RBM41: variants seen among roughly 807,000 people sequenced by gnomAD.
RBM41 encodes RNA binding motif protein 41.
Under a neutral mutation model 30.8 loss-of-function variants are expected in RBM41, and 14 were observed. That is an observed-to-expected ratio of 0.45 (90% CI 0.30 to 0.71). RBM41 has a LOEUF of 0.71. Ranked by LOEUF, RBM41 falls within the 30% of genes least tolerant of loss-of-function variation. RBM41 has a pLI of 0.08. For synonymous variants in RBM41, 120 were observed against 110.1 expected (o/e 1.09, Z -0.56); for missense variants, 276 against 326.3 (o/e 0.85, Z 1.19).
Position 107,062,500 on chromosome X carries a change from A to T in RBM41, c.*5027T>A, listed in dbSNP as rs1033473607. 9.0e-6 allele frequency among the ~76,000 whole-genome samples: 1 copy of T among 111,529 alleles called. No homozygotes were observed. The highest frequency in any genetic ancestry group is 1.9e-5 in the Non-Finnish European group (1 of 53,086). On this transcript the variant is annotated 3_prime_UTR_variant, in exon 8 of 8. Coordinates refer to ENST00000685964, the MANE Select transcript of RBM41 (RefSeq NM_001324242.2). ...GTCACTTAACTATGTCTGAAATTAG[A>T]GTGTTAATCCTAAGTGAGCAGTATA...
chrX:107,060,146 T>C (rs1935616803), downstream of RBM41, among the ~76,000 whole-genome samples: 1 of 109,649 alleles, frequency 9.1e-6, no homozygotes, highest in Non-Finnish European at 1.9e-5. Context: ...ACAATGACAA[T>C]ATTAGGCTAT....
chrX:107,116,099 A>T, intron 2 of RBM41, 45 bp from the exon 3 acceptor site: 1 of 1,067,029 alleles, frequency 9.4e-7, no homozygotes, highest in Non-Finnish European at 1.2e-6. Flanking sequence ...TGAGGTTACT[A>T]TCATTCACAA....
Position 107,065,403 on chromosome X carries a change from G to T in RBM41, c.*2124C>A, listed in dbSNP as rs149632629. ...TTTAAAAGTTATTTCCTCAGTGGTTGCTCTAGGGCTTACCATACACATCTT... is the reference window on the plus strand; with the variant it reads ...TTTAAAAGTTATTTCCTCAGTGGTTTCTCTAGGGCTTACCATACACATCTT... On this transcript the variant is annotated 3_prime_UTR_variant, in exon 8 of 8. Coordinates refer to ENST00000685964, the MANE Select transcript of RBM41 (RefSeq NM_001324242.2). 0.021 allele frequency: 2,903 copies of T among 135,057 alleles called. 104 individuals are homozygous for T. The highest frequency in any genetic ancestry group is 0.085 in the African/African-American group (2,696 of 31,554). The allele number at this position is 135,057 out of a possible 1,213,427, so 11.1% of individuals were successfully genotyped here.
At chrX:107,103,768 T>C (rs1241452284) in intron 5 of RBM41, among the ~76,000 whole-genome samples, 1 of 111,952 alleles carries the variant, frequency 8.9e-6, no homozygotes, top group Non-Finnish European at 1.9e-5. Context: ...TCCAGTTATA[T>C]GAAGTTCTAG....
chrX:107,117,232 G>T (rs371087546), intron 1 of RBM41, among the ~76,000 whole-genome samples: 1 of 112,176 alleles, frequency 8.9e-6, no homozygotes, highest in Non-Finnish European at 1.9e-5. Context: ...AACAGGGAAA[G>T]AGAGTACAAA....
In RBM41 at chrX:107,088,711, G is replaced by A; in HGVS notation, c.724C>T (p.Leu242=). Residue 242 remains leucine, a synonymous_variant, in exon 6 of 8, where the codon CTG becomes TTG. Coordinates refer to ENST00000685964, the MANE Select transcript of RBM41 (RefSeq NM_001324242.2). The stretch of plus-strand genomic sequence containing the variant: ...TCACCCACTGATGTAGCTGAGACCA[G>A]TGAGTGGGAAGCAAAGGGTTCACCT... ...MRGEPFASHS[L]VSATSVGDSG... 1 of 1,211,738 alleles carries A rather than the reference G, an allele frequency of 8.3e-7. No individual in the cohort carries two copies. Among genetic ancestry groups the A allele is most frequent in the East Asian group, 3.0e-5 (1 of 33,848 alleles).
chrX:107,112,780 C>T, intron 5 of RBM41: 1 of 306,150 alleles, frequency 3.3e-6, no homozygotes, highest in Non-Finnish European at 6.3e-6. Flanking sequence ...GCCAGTCTCA[C>T]AAGGTTACAT....
intron 6 of RBM41, among the ~76,000 whole-genome samples, chrX:107,080,584 C>CACAAA: frequency 1.2e-5 from 1 of 85,181 alleles, no homozygotes; most frequent in Admixed American, 1.5e-4. Context: ...TGCCTCAAAA[C>CACAAA]ACGAAACAAA....
intron 5 of RBM41, among the ~76,000 whole-genome samples, chrX:107,104,368 C>CA (rs1923753249): frequency 9.0e-6 from 1 of 110,746 alleles, no homozygotes; most frequent in African/African-American, 3.3e-5. Context: ...TGTGATAAGG[C>CA]AAAATATTAA....
intron 5 of RBM41, among the ~76,000 whole-genome samples, chrX:107,102,497 G>A: frequency 9.0e-6 from 1 of 111,610 alleles, no homozygotes; most frequent in East Asian, 2.8e-4. Flanking sequence ...AACCACCTCA[G>A]CAGAAGCCAG....
At chrX:107,092,480 T>G (rs1040583326) in intron 5 of RBM41, among the ~76,000 whole-genome samples, 1 of 111,509 alleles carries the variant, frequency 9.0e-6, no homozygotes, top group Non-Finnish European at 1.9e-5. Flanking sequence ...TGGTGGCTCA[T>G]GCCTGTAATC....
At chrX:107,090,127 G>C (rs1922388355) in intron 5 of RBM41, among the ~76,000 whole-genome samples, 1 of 111,968 alleles carries the variant, frequency 8.9e-6, no homozygotes, top group African/African-American at 3.3e-5. Flanking sequence ...TGCAATCCCA[G>C]CACTTTGGGA....
chrX:107,076,700 G>A (rs908628926), intron 6 of RBM41, among the ~76,000 whole-genome samples: 1 of 110,960 alleles, frequency 9.0e-6, no homozygotes, highest in Admixed American at 9.6e-5. Context: ...TTGTTAAGAG[G>A]ATAGATCTTG....
At chrX:107,091,377 T>C (rs1306300942) in intron 5 of RBM41, among the ~76,000 whole-genome samples, 2 of 112,278 alleles carry the variant, frequency 1.8e-5, no homozygotes, top group Non-Finnish European at 3.8e-5. Context: ...ATTGGAAATA[T>C]ACAAATGTTT....
chrX:107,067,089 T>C lies in RBM41; in HGVS notation c.*438A>G. On this transcript the variant is annotated 3_prime_UTR_variant, in exon 8 of 8. Coordinates refer to ENST00000685964, the MANE Select transcript of RBM41 (RefSeq NM_001324242.2). ...CTTAGGCCTGGGGGTCCTACTCTTT[T>C]ATTTACTAGGTGGATGAAATATGGC... 1.3e-6 allele frequency: 1 copy of C among 753,166 alleles called. No individual in the cohort carries two copies. The highest frequency in any genetic ancestry group is 6.7e-5 in the South Asian group (1 of 14,830). The allele number at this position is 753,166 out of a possible 1,213,427, so 62.1% of individuals were successfully genotyped here. A position where few individuals can be genotyped will look rare whatever the true frequency, so the allele number is the denominator to read the frequency against.
chrX:107,100,182 G>A (rs1018798958), intron 5 of RBM41, among the ~76,000 whole-genome samples: 1 of 112,082 alleles, frequency 8.9e-6, no homozygotes, highest in Non-Finnish European at 1.9e-5. Context: ...ACATAAATTG[G>A]CCAGGTGTGG....
intron 5 of RBM41, among the ~76,000 whole-genome samples, chrX:107,104,243 C>A (rs898583659): frequency 2.7e-5 from 3 of 111,653 alleles, no homozygotes; most frequent in Non-Finnish European, 5.6e-5. Flanking sequence ...AAATATTTAA[C>A]TCTAATTAAC....
At chrX:107,093,121 G>C (rs188406124) in intron 5 of RBM41, among the ~76,000 whole-genome samples, 60 of 111,526 alleles carry the variant, frequency 5.4e-4, no homozygotes, top group African/African-American at 1.9e-3. Context: ...CAATAAATAA[G>C]GATTCCTCCC....
At chrX:107,056,013 A>T in the RBM41 span, among the ~76,000 whole-genome samples, 1 of 112,509 alleles carries the variant, frequency 8.9e-6, no homozygotes, top group Non-Finnish European at 1.9e-5. Context: ...ACCACTGAGT[A>T]TCATGTTAGC....
Sources: gnomAD v4.1 joint callset for allele counts (sites outside exome capture counted in the v4.1 genomes callset) on GRCh38, gnomAD v4.1.1 for gene constraint, MANE v1.5 for transcripts, NCBI Gene and HGNC (gene_info 2026-07-23, HGNC 2026-07-21) for gene names.